Variants in SPIRE1 observed in about 807,000 individuals in gnomAD.
SPIRE1 encodes the protein protein spire homolog 1.
Under a neutral mutation model 94.1 loss-of-function variants are expected in SPIRE1, and 40 were observed. That is an observed-to-expected ratio of 0.43 (90% CI 0.33 to 0.55). The LOEUF is 0.55. SPIRE1 is among the 20% of genes least tolerant of loss of function. SPIRE1 has a pLI of 0.06. For synonymous variants in SPIRE1, 376 were observed against 371.7 expected (o/e 1.01, Z -0.13); for missense variants, 838 against 975.2 (o/e 0.86, Z 1.87).
Position 12,446,821 on chromosome 18 carries a change from C to T in SPIRE1, c.*2817G>A, listed in dbSNP as rs2030955106. The T allele has an allele frequency of 6.6e-6, 1 of 152,176 alleles. No homozygotes were observed. Among genetic ancestry groups the T allele is most frequent in the African/African-American group, 2.4e-5 (1 of 41,440 alleles). 9.4% of individuals were successfully genotyped at this position (152,176 alleles called of 1,614,324 possible). A position where few individuals can be genotyped will look rare whatever the true frequency, so the allele number is the denominator to read the frequency against. ...TAAAAGGCTTAAAAATTTCATAGTA[C>T]GAGTTCATGGTGCTAATAACAGAAT... On this transcript the variant is annotated 3_prime_UTR_variant, in exon 17 of 17. Transcript: ENST00000409402.
chr18:12,591,855 G>C (rs1337501215), intron 2 of SPIRE1, among the ~76,000 whole-genome samples: 1 of 150,884 alleles, frequency 6.6e-6, no homozygotes, highest in Non-Finnish European at 1.5e-5. Flanking sequence ...TGTAGTTCCA[G>C]CTACTTGGGA....
chr18:12,613,508 A>G (rs147847044), intron 2 of SPIRE1, among the ~76,000 whole-genome samples: 2,714 of 152,328 alleles, frequency 0.018, 91 homozygotes, highest in African/African-American at 0.062. Flanking sequence ...AACACTTGAC[A>G]TGTGGCTAGC....
At chr18:12,633,155 C>T (rs28521370) in intron 2 of SPIRE1, among the ~76,000 whole-genome samples, 3,229 of 152,226 alleles carry the variant, frequency 0.021, 118 homozygotes, top group African/African-American at 0.07. Context: ...CCAGAAACCA[C>T]AAAACTTACC....
chr18:12,575,818 TACA>T (rs1335747491), intron 2 of SPIRE1, among the ~76,000 whole-genome samples: 3 of 152,234 alleles, frequency 2.0e-5, no homozygotes, highest in Non-Finnish European at 4.4e-5. Flanking sequence ...CTAATATTGT[TACA>T]ACGTCAGCTC....
At chr18:12,656,495 AC>A (rs2038541956) in intron 1 of SPIRE1, 1 of 154,622 alleles carries the variant, frequency 6.5e-6, no homozygotes, top group Admixed American at 6.5e-5. Context: ...AATAACTATA[AC>A]CTTGAATATT....
At chr18:12,511,245 G>A (rs2034026534) in intron 5 of SPIRE1, among the ~76,000 whole-genome samples, 1 of 152,204 alleles carries the variant, frequency 6.6e-6, no homozygotes, top group Admixed American at 6.5e-5. Flanking sequence ...ACTGGTACTG[G>A]TCTGTGGCCT....
intron 3 of SPIRE1, among the ~76,000 whole-genome samples, chr18:12,543,644 C>A (rs193071488): frequency 9.2e-5 from 14 of 152,244 alleles, no homozygotes; most frequent in African/African-American, 3.1e-4. Flanking sequence ...TAAAACATAA[C>A]AAATTATTAG....
At chr18:12,641,374 C>CTTT (rs67745102) in intron 1 of SPIRE1, among the ~76,000 whole-genome samples, 3 of 143,742 alleles carry the variant, frequency 2.1e-5, no homozygotes, top group African/African-American at 2.6e-5. Context: ...TTCTTTTTTT[C>CTTT]TTTTTTTTTT....
At chr18:12,623,835 C>G (rs1254441509) in intron 2 of SPIRE1, among the ~76,000 whole-genome samples, 1 of 151,992 alleles carries the variant, frequency 6.6e-6, no homozygotes, top group Non-Finnish European at 1.5e-5. Flanking sequence ...ACCATATTGG[C>G]CAGGCTGGTC....
At chr18:12,620,746 T>C (rs1359055994) in intron 2 of SPIRE1, among the ~76,000 whole-genome samples, 1 of 152,104 alleles carries the variant, frequency 6.6e-6, no homozygotes, top group Non-Finnish European at 1.5e-5. Context: ...GATTTGGCAA[T>C]GGATTTTTAG....
intron 8 of SPIRE1, among the ~76,000 whole-genome samples, chr18:12,489,351 A>T (rs1180816963): frequency 6.6e-6 from 1 of 152,208 alleles, no homozygotes; most frequent in Non-Finnish European, 1.5e-5. Flanking sequence ...AGTATTACAT[A>T]TTATCACAGC....
upstream of SPIRE1, chr18:12,658,752 C>T (rs1416918109): frequency 1.1e-5 from 4 of 378,256 alleles, no homozygotes; most frequent in African/African-American, 2.1e-5. Context: ...TGAATACCTC[C>T]CTCTCCACTC....
chr18:12,480,025 T>C (rs547195312), intron 9 of SPIRE1, among the ~76,000 whole-genome samples, 154 bp from the exon 10 acceptor site: 1 of 152,336 alleles, frequency 6.6e-6, no homozygotes, highest in East Asian at 1.9e-4. Flanking sequence ...GGTTGGATAT[T>C]AACTGTCAAA....
intron 8 of SPIRE1, among the ~76,000 whole-genome samples, chr18:12,488,360 T>G (rs1194476196): frequency 1.3e-5 from 2 of 152,180 alleles, no homozygotes; most frequent in African/African-American, 4.8e-5. Flanking sequence ...GAGGTCCTGG[T>G]GGGGATTATG....
chr18:12,620,900 T>C (rs972721099), intron 2 of SPIRE1, among the ~76,000 whole-genome samples: 1 of 152,168 alleles, frequency 6.6e-6, no homozygotes, highest in Admixed American at 6.5e-5. Flanking sequence ...AAATCATGTA[T>C]GTGATAAGAA....
chr18:12,583,970 C>A (rs1327244255), intron 2 of SPIRE1, among the ~76,000 whole-genome samples: 1 of 151,758 alleles, frequency 6.6e-6, no homozygotes, highest in Non-Finnish European at 1.5e-5. Context: ...AGAAAATAAA[C>A]CAGTAAAACA....
At chr18:12,566,990 C>T (rs1035591232) in intron 2 of SPIRE1, among the ~76,000 whole-genome samples, 8 of 152,072 alleles carry the variant, frequency 5.3e-5, no homozygotes, top group African/African-American at 1.9e-4. Flanking sequence ...GAAAATTATA[C>T]ACCACAACCA....
intron 2 of SPIRE1, among the ~76,000 whole-genome samples, chr18:12,617,671 A>G (rs760177098): frequency 4.6e-5 from 7 of 152,054 alleles, no homozygotes; most frequent in Non-Finnish European, 7.4e-5. Context: ...CGGCCTCCCA[A>G]AGTGCTAGGA....
intron 4 of SPIRE1, among the ~76,000 whole-genome samples, chr18:12,525,000 G>A (rs2014548993): frequency 6.6e-6 from 1 of 150,902 alleles, no homozygotes; most frequent in Admixed American, 6.6e-5. Flanking sequence ...AAAGTGGCCA[G>A]GCACGGTGGC....
Sources: allele counts gnomAD v4.1 joint callset (sites outside exome capture counted in the v4.1 genomes callset), GRCh38; gene constraint gnomAD v4.1.1; transcripts MANE v1.5; gene names NCBI Gene and HGNC (gene_info 2026-07-23, HGNC 2026-07-21).